SSH2: variants seen among roughly 807,000 people sequenced by gnomAD.
SSH2 encodes the protein protein phosphatase Slingshot homolog 2.
Under a neutral mutation model 135.2 loss-of-function variants are expected in SSH2, and 37 were observed. The observed-to-expected ratio is 0.27, with a 90% CI of 0.21 to 0.36. SSH2 has a LOEUF of 0.36. Ranked by LOEUF, SSH2 falls within the 10% of genes least tolerant of loss-of-function variation. SSH2 has a pLI of 1.00. For synonymous variants in SSH2, 628 were observed against 646.2 expected (o/e 0.97, Z 0.43); for missense variants, 1,408 against 1,765.3 (o/e 0.80, Z 3.63).
intron 1 of SSH2, among the ~76,000 whole-genome samples, chr17:29,926,769 C>T (rs1242483360): frequency 6.6e-6 from 1 of 152,092 alleles, no homozygotes; most frequent in Non-Finnish European, 1.5e-5. Context: ...CAGATATGCC[C>T]TGTACTTTTC....
intron 2 of SSH2, among the ~76,000 whole-genome samples, chr17:29,800,908 C>T (rs1200000881): frequency 6.6e-6 from 1 of 150,974 alleles, no homozygotes; most frequent in Admixed American, 6.6e-5. Flanking sequence ...CTCTGTTACC[C>T]AGGCTGGAGT....
At chr17:29,811,608 G>A (rs2042443856) in intron 2 of SSH2, among the ~76,000 whole-genome samples, 1 of 150,072 alleles carries the variant, frequency 6.7e-6, no homozygotes, top group African/African-American at 2.5e-5. Context: ...TAGCTCTGTT[G>A]CCCGGGCTGC....
At chr17:29,882,683 T>G (rs2151433728) in intron 1 of SSH2, among the ~76,000 whole-genome samples, 1 of 151,934 alleles carries the variant, frequency 6.6e-6, no homozygotes, top group East Asian at 1.9e-4. Flanking sequence ...ACCCGGGGGG[T>G]GGAGGTTGCA....
chr17:29,831,837 C>T (rs2042850574), intron 2 of SSH2, among the ~76,000 whole-genome samples: 1 of 152,144 alleles, frequency 6.6e-6, no homozygotes. Context: ...CCTCGGCCTC[C>T]CAAAGTGCTG....
At chr17:29,928,470 ATTTCCAGCAATG>A (rs2151495213) in intron 1 of SSH2, 1 of 398,484 alleles carries the variant, frequency 2.5e-6, no homozygotes, top group Admixed American at 4.4e-5. Context: ...TTGCTTGAAT[ATTTCCAGCAATG>A]TGCACTCACT....
chr17:29,736,786 C>CAAAAAA (rs1194959594), intron 3 of SSH2, among the ~76,000 whole-genome samples: 462 of 10,200 alleles, frequency 0.045, 99 homozygotes, highest in Non-Finnish European at 0.06. Context: ...GACTCTGTCT[C>CAAAAAA]AAAAAAAAAA....
intron 1 of SSH2, among the ~76,000 whole-genome samples, chr17:29,886,549 C>A (rs1266696270): frequency 6.6e-6 from 1 of 151,868 alleles, no homozygotes; most frequent in African/African-American, 2.4e-5. Flanking sequence ...GAGTTTGGGA[C>A]CAGCCTGACC....
At chr17:29,649,182 G>A (rs1031785925) in intron 13 of SSH2, among the ~76,000 whole-genome samples, 12 of 151,858 alleles carry the variant, frequency 7.9e-5, no homozygotes, top group Non-Finnish European at 1.5e-4. Flanking sequence ...ATGAGATATA[G>A]GAGCATTTTA....
intron 2 of SSH2, among the ~76,000 whole-genome samples, chr17:29,814,951 T>C (rs950632306): frequency 2.1e-5 from 3 of 145,502 alleles, no homozygotes; most frequent in African/African-American, 7.5e-5. Flanking sequence ...TTTTCTTTCT[T>C]TTTTTTTTTT....
chr17:29,785,663 C>T (rs924118489), intron 3 of SSH2, among the ~76,000 whole-genome samples: 1 of 151,672 alleles, frequency 6.6e-6, no homozygotes, highest in African/African-American at 2.4e-5. Context: ...TCACGCTCAA[C>T]TAATTTTTGT....
chr17:29,810,195 C>A (rs1165225568), intron 2 of SSH2, among the ~76,000 whole-genome samples: 1 of 116,828 alleles, frequency 8.6e-6, no homozygotes, highest in Admixed American at 8.5e-5. Context: ...TCTGCAAACA[C>A]CCTGATTTAA....
chr17:29,725,347 CAAAAA>C (rs11449000), intron 3 of SSH2, among the ~76,000 whole-genome samples: 1 of 52,788 alleles, frequency 1.9e-5, no homozygotes, highest in Admixed American at 2.8e-4. Flanking sequence ...AATCAGTCTC[CAAAAA>C]AAAAAAAAAA....
At chr17:29,793,552 T>C (rs1436090863) in intron 3 of SSH2, 4 of 173,294 alleles carry the variant, frequency 2.3e-5, no homozygotes, top group African/African-American at 7.1e-5. Flanking sequence ...AAAATTGACC[T>C]TTCTGCCTCT....
At chr17:29,753,914 C>G (rs2041033636) in intron 3 of SSH2, among the ~76,000 whole-genome samples, 1 of 151,808 alleles carries the variant, frequency 6.6e-6, no homozygotes, top group Non-Finnish European at 1.5e-5. Context: ...AGAAATTTAT[C>G]TAAAGAAATG....
intron 9 of SSH2, among the ~76,000 whole-genome samples, chr17:29,669,998 C>T (rs1190996984): frequency 6.6e-6 from 1 of 151,546 alleles, no homozygotes; most frequent in Non-Finnish European, 1.5e-5. Flanking sequence ...TCTCCTGCCT[C>T]AGCCTCCTGA....
intron 5 of SSH2, among the ~76,000 whole-genome samples, chr17:29,684,939 C>T (rs545933663): frequency 6.6e-6 from 1 of 152,100 alleles, no homozygotes; most frequent in African/African-American, 2.4e-5. Context: ...TACAGTAAAG[C>T]ACAGTGCTTG....
intron 1 of SSH2, among the ~76,000 whole-genome samples, chr17:29,913,657 G>A (rs1359973294): frequency 1.3e-5 from 2 of 149,264 alleles, no homozygotes; most frequent in Non-Finnish European, 1.5e-5. Flanking sequence ...TTTTTGAGAC[G>A]GAGTTTCATT....
intron 2 of SSH2, among the ~76,000 whole-genome samples, chr17:29,798,776 T>A (rs529264859): frequency 6.6e-6 from 1 of 152,336 alleles, no homozygotes; most frequent in Non-Finnish European, 1.5e-5. Context: ...CGTTAACATT[T>A]AATATAATTT....
intron 2 of SSH2, among the ~76,000 whole-genome samples, chr17:29,836,887 C>T (rs1481058035): frequency 6.6e-6 from 1 of 152,236 alleles, no homozygotes; most frequent in Admixed American, 6.5e-5. Context: ...CCATTGCTCT[C>T]TACAAGGTTA....
Sources: allele counts gnomAD v4.1 joint callset (sites outside exome capture counted in the v4.1 genomes callset), GRCh38; gene constraint gnomAD v4.1.1; transcripts MANE v1.5; gene names NCBI Gene and HGNC (gene_info 2026-07-23, HGNC 2026-07-21).